The following COMMD1 variants were observed in gnomAD, a reference collection of about 807,000 sequenced individuals.
The protein encoded by COMMD1 is copper metabolism domain containing 1.
Under a neutral mutation model 17.2 loss-of-function variants are expected in COMMD1, and 10 were observed. That is an observed-to-expected ratio of 0.58 (90% CI 0.36 to 0.99). COMMD1 has a LOEUF of 0.99. Among genes scored for constraint, COMMD1 ranks in the 50% least tolerant of loss-of-function variants. The probability of loss-of-function intolerance (pLI) is 0.01; values close to 1 mark genes in which losing one functional copy is unlikely to be tolerated. For missense variants in COMMD1, 270 were observed against 231.8 expected (o/e 1.17, Z -1.07); for synonymous variants, 97 against 91.6 (o/e 1.06, Z -0.34).
chr2:62,009,900 C>T (rs1669231163), intron 2 of COMMD1, among the ~76,000 whole-genome samples: 1 of 152,034 alleles, frequency 6.6e-6, no homozygotes. Context: ...TAGTGAAATA[C>T]TTGTAGTAAC....
At chr2:62,039,004 A>G (rs1031449310) in intron 2 of COMMD1, among the ~76,000 whole-genome samples, 5 of 152,218 alleles carry the variant, frequency 3.3e-5, no homozygotes, top group African/African-American at 1.2e-4. Context: ...ACAGTTTCTA[A>G]GAACGTAAGT....
At chr2:61,963,993 C>T (rs570116409) in intron 1 of COMMD1, among the ~76,000 whole-genome samples, 87 of 152,128 alleles carry the variant, frequency 5.7e-4, no homozygotes, top group Non-Finnish European at 1.1e-3. Flanking sequence ...CCAAGTAAGC[C>T]GATTTTCAAC....
At chr2:62,027,448 T>C (rs1306244078) in intron 2 of COMMD1, among the ~76,000 whole-genome samples, 1 of 152,304 alleles carries the variant, frequency 6.6e-6, no homozygotes, top group East Asian at 1.9e-4. Flanking sequence ...TTTTCATTCA[T>C]AATTTTTTTG....
intron 2 of COMMD1, among the ~76,000 whole-genome samples, chr2:62,056,965 A>T (rs1670721756): frequency 6.6e-6 from 1 of 152,196 alleles, no homozygotes; most frequent in African/African-American, 2.4e-5. Context: ...TCCGTTTCCA[A>T]CATTCTTTGT....
chr2:62,077,580 T>C (rs1671381501), intron 2 of COMMD1, among the ~76,000 whole-genome samples: 1 of 152,166 alleles, frequency 6.6e-6, no homozygotes, highest in Non-Finnish European at 1.5e-5. Context: ...TCTATTTATA[T>C]TTCTCTCTCT....
At chr2:61,923,738 A>G (rs1005767906) in intron 1 of COMMD1, among the ~76,000 whole-genome samples, 3 of 152,130 alleles carry the variant, frequency 2.0e-5, no homozygotes, top group Non-Finnish European at 4.4e-5. Flanking sequence ...GGCAAGTGAC[A>G]TAAGCTCAGA....
intron 1 of COMMD1, among the ~76,000 whole-genome samples, chr2:61,939,711 C>T (rs1670691977): frequency 6.6e-6 from 1 of 152,118 alleles, no homozygotes. Context: ...ACATAGTTCA[C>T]CCAAATGCTC....
intron 1 of COMMD1, among the ~76,000 whole-genome samples, chr2:61,919,492 T>A (rs1253600951): frequency 7.8e-6 from 1 of 128,248 alleles, no homozygotes; most frequent in Non-Finnish European, 1.6e-5. Flanking sequence ...ATTTTTGTAT[T>A]TTTTTTTTTT....
At chr2:61,913,164 C>T (rs1287114103) in intron 1 of COMMD1, among the ~76,000 whole-genome samples, 3 of 151,836 alleles carry the variant, frequency 2.0e-5, no homozygotes, top group Non-Finnish European at 4.4e-5. Flanking sequence ...GCCAGGAGTT[C>T]GAGGCCACCC....
chr2:62,043,148 G>A (rs1222445037), intron 2 of COMMD1, among the ~76,000 whole-genome samples: 1 of 152,196 alleles, frequency 6.6e-6, no homozygotes, highest in Admixed American at 6.5e-5. Context: ...AGCTAAGCCA[G>A]TGACACTGGA....
At chr2:61,956,431 A>G (rs1191839811) in intron 1 of COMMD1, among the ~76,000 whole-genome samples, 1 of 150,216 alleles carries the variant, frequency 6.7e-6, no homozygotes, top group Non-Finnish European at 1.5e-5. Context: ...TTTTTTGGAG[A>G]TGGAGTCTCG....
chr2:62,097,313 T>G (rs1672039990), intron 2 of COMMD1, among the ~76,000 whole-genome samples: 1 of 152,170 alleles, frequency 6.6e-6, no homozygotes, highest in South Asian at 2.1e-4. Context: ...TAGTAAGGCT[T>G]CAGGTCTTCG....
intron 2 of COMMD1, among the ~76,000 whole-genome samples, chr2:62,107,585 C>A (rs780990797): frequency 6.6e-6 from 1 of 152,116 alleles, no homozygotes; most frequent in Non-Finnish European, 1.5e-5. Flanking sequence ...GCCAAACTGT[C>A]CAGTAGCCTT....
At chr2:62,058,162 A>G (rs912359534) in intron 2 of COMMD1, among the ~76,000 whole-genome samples, 16 of 152,322 alleles carry the variant, frequency 1.1e-4, no homozygotes, top group Non-Finnish European at 1.0e-4. Context: ...TGAATAGACC[A>G]TGCACACTTG....
chr2:61,979,836 G>A (rs1263854497), intron 1 of COMMD1, among the ~76,000 whole-genome samples: 2 of 140,086 alleles, frequency 1.4e-5, no homozygotes, highest in Non-Finnish European at 3.1e-5. Context: ...CCATGCTGGT[G>A]CGCTGCACCC....
At chr2:62,055,957 A>G (rs1670687491) in intron 2 of COMMD1, among the ~76,000 whole-genome samples, 1 of 152,224 alleles carries the variant, frequency 6.6e-6, no homozygotes. Flanking sequence ...TTTCAGGAGG[A>G]TGTGCATGAG....
chr2:61,986,549 C>T (rs989151627), intron 1 of COMMD1, among the ~76,000 whole-genome samples: 14 of 146,300 alleles, frequency 9.6e-5, no homozygotes, highest in Non-Finnish European at 1.5e-4. Flanking sequence ...TCTAAATAAT[C>T]TCGTAGGCAT....
intron 1 of COMMD1, among the ~76,000 whole-genome samples, chr2:61,979,717 T>C (rs1671905066): frequency 6.6e-6 from 1 of 151,994 alleles, no homozygotes; most frequent in African/African-American, 2.4e-5. Context: ...TCACCAGAAT[T>C]TGTTATTGCC....
chr2:61,967,787 A>G (rs1381042368), intron 1 of COMMD1, among the ~76,000 whole-genome samples: 1 of 152,218 alleles, frequency 6.6e-6, no homozygotes, highest in Non-Finnish European at 1.5e-5. Flanking sequence ...TGTCTGATAA[A>G]GTGTATTCAG....
Sources: gnomAD v4.1 joint callset for allele counts (sites outside exome capture counted in the v4.1 genomes callset) on GRCh38, gnomAD v4.1.1 for gene constraint, MANE v1.5 for transcripts, NCBI Gene and HGNC (gene_info 2026-07-23, HGNC 2026-07-21) for gene names.